Variants in GNA14 observed in about 807,000 individuals in gnomAD.
GNA14 encodes the protein guanine nucleotide-binding protein subunit alpha-14.
Under a neutral mutation model 42.0 loss-of-function variants are expected in GNA14, and 50 were observed. That is an observed-to-expected ratio of 1.19 (90% CI 0.95 to 1.51). The LOEUF (loss-of-function observed/expected upper bound fraction) is 1.51, where lower values mean the gene tolerates loss of function less well. Ranked by LOEUF, GNA14 falls within the 40% of genes most tolerant of loss-of-function variation. The pLI, the probability that GNA14 is intolerant of heterozygous loss-of-function variation, is 0.00. For missense variants in GNA14, 473 were observed against 446.2 expected, an observed-to-expected ratio of 1.06 and a Z score of -0.54; for synonymous variants, 173 against 163.1, an observed-to-expected ratio of 1.06 and a Z score of -0.46.
At chr9:77,520,142 T>G (rs1311037999) in intron 2 of GNA14, among the ~76,000 whole-genome samples, 1 of 152,200 alleles carries the variant, frequency 6.6e-6, no homozygotes, top group Non-Finnish European at 1.5e-5. Context: ...CTTTCTAGAA[T>G]AGTTTGCCTA....
In GNA14 at chr9:77,445,234, A is replaced by G. The variant is rs1164255075; in HGVS notation, c.310-10712T>C. Among the ~76,000 whole-genome samples, 3 of 152,226 alleles carry G rather than the reference A, an allele frequency of 2.0e-5. No homozygotes were observed. In the East Asian group the frequency reaches 5.8e-4, roughly 29 times the overall value. On this transcript the variant is annotated intron_variant, in intron 2 of 6. Transcript: ENST00000341700. ...GGAGCGGGGGTACGAGAAAGGGACC[A>G]GACCAGCCTTTGCTACATCGCATTT...
intron 1 of GNA14, among the ~76,000 whole-genome samples, chr9:77,603,956 CAAAAAAAAAA>C (rs67044542): frequency 3.7e-5 from 3 of 81,608 alleles, no homozygotes; most frequent in African/African-American, 9.9e-5. Flanking sequence ...AAAAAAAAAA[CAAAAAAAAAA>C]AAAAAAAAAA....
At chr9:77,465,442 C>T (rs1836204963) in intron 2 of GNA14, among the ~76,000 whole-genome samples, 1 of 152,272 alleles carries the variant, frequency 6.6e-6, no homozygotes, top group Admixed American at 6.5e-5. Flanking sequence ...CTTTTTTACA[C>T]TTTTTGGCTA....
intron 1 of GNA14, among the ~76,000 whole-genome samples, chr9:77,555,243 T>G (rs1822756479): frequency 6.6e-6 from 1 of 152,156 alleles, no homozygotes; most frequent in Non-Finnish European, 1.5e-5. Context: ...CAGTGACTCA[T>G]GCCTGTAATC....
intron 2 of GNA14, among the ~76,000 whole-genome samples, chr9:77,504,085 G>C (rs541818904): frequency 2.8e-4 from 42 of 152,222 alleles, no homozygotes; most frequent in African/African-American, 1.0e-3. Context: ...TACTTATACT[G>C]TCCCCAAATT....
At chr9:77,524,285 A>C (rs1014433773) in intron 2 of GNA14, among the ~76,000 whole-genome samples, 10 of 152,246 alleles carry the variant, frequency 6.6e-5, no homozygotes. Context: ...AATTTCCGAT[A>C]AATTTCCTTT....
At chr9:77,504,449 C>T (rs577012029) in intron 2 of GNA14, among the ~76,000 whole-genome samples, 2 of 151,750 alleles carry the variant, frequency 1.3e-5, no homozygotes, top group East Asian at 1.9e-4. Flanking sequence ...GAAGGAAAAG[C>T]TCCTAGAAGA....
rs188820480 is a variant in GNA14 at position 77,463,438 on chromosome 9, C to A, written c.310-28916G>T. Among the ~76,000 whole-genome samples the A allele has an allele frequency of 1.1e-3, 162 of 152,346 alleles. 2 individuals carry two copies. Among genetic ancestry groups the A allele is most frequent in the Admixed American group, 0.01 (160 of 15,310 alleles). On this transcript the variant is annotated intron_variant, in intron 2 of 6. Transcript: ENST00000341700. The stretch of plus-strand genomic sequence containing the variant: ...TGTATTATATGTGGACCAGTCAGTT[C>A]TCAGACAGATGCTAACCTTTGCTTT...
At chr9:77,426,994 G>A (rs1248838025) in intron 5 of GNA14, among the ~76,000 whole-genome samples, 1 of 152,102 alleles carries the variant, frequency 6.6e-6, no homozygotes, top group African/African-American at 2.4e-5. Context: ...GATCTGGAAT[G>A]TATTAAAGCT....
In GNA14 at chr9:77,552,142, A is replaced by G. The variant is rs200613010; in HGVS notation, c.125-22889T>C. Among the ~76,000 whole-genome samples the G allele has an allele frequency of 2.6e-4, 38 of 148,372 alleles. No individual in the cohort carries two copies. The East Asian group carries it at 2.9e-3, about 11-fold the overall frequency. On this transcript the variant is annotated intron_variant, in intron 1 of 6. Coordinates refer to ENST00000341700, the MANE Select transcript of GNA14 (RefSeq NM_004297.4). ...ACTCCATCTCAAAAAAAAAAAAAAA[A>G]AAAAGAAAAAGAAAGAAAGAAATTC...
At chr9:77,624,306 A>G (rs902559758) in intron 1 of GNA14, among the ~76,000 whole-genome samples, 2 of 152,164 alleles carry the variant, frequency 1.3e-5, no homozygotes, top group African/African-American at 4.8e-5. Context: ...TCTCCCTGGG[A>G]CAGAGCACCT....
At chr9:77,555,905 T>G (rs1464658136) in intron 1 of GNA14, among the ~76,000 whole-genome samples, 1 of 152,200 alleles carries the variant, frequency 6.6e-6, no homozygotes, top group Non-Finnish European at 1.5e-5. Context: ...TGAATATAGG[T>G]TGCCTAATGA....
At chr9:77,598,950 G>A (rs896706714) in intron 1 of GNA14, among the ~76,000 whole-genome samples, 3 of 152,194 alleles carry the variant, frequency 2.0e-5, no homozygotes, top group African/African-American at 7.2e-5. Context: ...AATAAACCAT[G>A]AGCTGGAGAT....
intron 1 of GNA14, among the ~76,000 whole-genome samples, chr9:77,608,964 T>C (rs1048035061): frequency 2.6e-5 from 4 of 152,128 alleles, no homozygotes; most frequent in African/African-American, 9.7e-5. Context: ...CCTTATCAAA[T>C]AGTGTTCAGC....
intron 1 of GNA14, among the ~76,000 whole-genome samples, chr9:77,562,967 C>T (rs1161725983): frequency 6.6e-6 from 1 of 152,078 alleles, no homozygotes; most frequent in African/African-American, 2.4e-5. Context: ...AGCATTAGAT[C>T]CCAATATCAG....
chr9:77,505,143 A>G (rs771771208), intron 2 of GNA14, among the ~76,000 whole-genome samples: 12 of 152,332 alleles, frequency 7.9e-5, no homozygotes, highest in Non-Finnish European at 5.9e-5. Context: ...CCAAGGATAC[A>G]GTTTAGTGGA....
At chr9:77,629,557 G>T (rs982471694) in intron 1 of GNA14, among the ~76,000 whole-genome samples, 3 of 152,086 alleles carry the variant, frequency 2.0e-5, no homozygotes, top group African/African-American at 7.2e-5. Context: ...GCCATAAAAA[G>T]GATCAGTTTA....
chr9:77,498,741 A>C (rs1836917527), intron 2 of GNA14, among the ~76,000 whole-genome samples: 2 of 152,250 alleles, frequency 1.3e-5, no homozygotes, highest in South Asian at 2.1e-4. Context: ...GGATGCCATG[A>C]GTTTGGCTTT....
At chr9:77,555,472 C>T (rs1361319051) in intron 1 of GNA14, among the ~76,000 whole-genome samples, 1 of 152,130 alleles carries the variant, frequency 6.6e-6, no homozygotes, top group Non-Finnish European at 1.5e-5. Flanking sequence ...CCACTGCACT[C>T]CAACCTGGGT....
Sources: gnomAD v4.1 joint callset for allele counts (sites outside exome capture counted in the v4.1 genomes callset) on GRCh38, gnomAD v4.1.1 for gene constraint, MANE v1.5 for transcripts, NCBI Gene and HGNC (gene_info 2026-07-23, HGNC 2026-07-21) for gene names.